Variants in ZNF236 observed in about 807,000 individuals in gnomAD.
ZNF236 encodes the protein regulated by glucose.
Under a neutral mutation model 191.2 loss-of-function variants are expected in ZNF236, and 50 were observed. The ratio of observed to expected loss-of-function variants is 0.26; its 90% CI spans 0.21 to 0.33. The LOEUF is 0.33. Among genes scored for constraint, ZNF236 ranks in the 10% least tolerant of loss-of-function variants. The probability of loss-of-function intolerance (pLI) is 1.00; values close to 1 mark genes in which losing one functional copy is unlikely to be tolerated. For missense variants in ZNF236, 1,754 were observed against 2,374.5 expected (o/e 0.74, Z 5.43); for synonymous variants, 907 against 928.8 (o/e 0.98, Z 0.43).
At chr18:76,851,644 G>A in intron 2 of ZNF236, 131 bp from the exon 3 acceptor site, 1 of 950,048 alleles carries the variant, frequency 1.1e-6, no homozygotes, top group South Asian at 2.3e-5. Flanking sequence ...TGACTTAAGA[G>A]CCAGAGGAGA....
Position 76,970,218 on chromosome 18 carries a change from GTTAT to G in ZNF236, c.*1886_*1889del, listed in dbSNP as rs1280785370. ...AATTTTAAACTTTTGTTCTTGCTGG[GTTAT>G]TTATTTTGATTTTAGCATTAAATGT... On this transcript the variant is annotated 3_prime_UTR_variant, in exon 31 of 31. Coordinates refer to ENST00000320610, the MANE Select transcript of ZNF236 (RefSeq NM_001306089.2). 2.0e-5 allele frequency: 3 copies of G among 152,548 alleles called. No homozygotes were observed. The highest frequency in any genetic ancestry group is 2.9e-5 in the Non-Finnish European group (2 of 68,014). 9.4% of individuals were successfully genotyped at this position (152,548 alleles called of 1,614,324 possible).
chr18:76,926,066 A>T (rs1359392557), intron 22 of ZNF236, among the ~76,000 whole-genome samples: 1 of 152,184 alleles, frequency 6.6e-6, no homozygotes, highest in East Asian at 1.9e-4. Context: ...GCAGGATTGC[A>T]GCCTGACCAC....
chr18:76,905,542 C>CA, intron 13 of ZNF236, 127 bp downstream of exon 13: 2 of 817,802 alleles, frequency 2.4e-6, no homozygotes, highest in Non-Finnish European at 3.6e-6. Flanking sequence ...TATATGGGCT[C>CA]AAGAAAAAAA....
rs76584806 is a variant in ZNF236, at chr18:76,855,839, C to T, written c.363+3900C>T. Reference sequence around the variant, plus strand: ...GTGCCCAGCACAGCCTCCATTGCTACGAGTGACCTGGCCCAGAACATCAGT... The same window carrying T: ...GTGCCCAGCACAGCCTCCATTGCTATGAGTGACCTGGCCCAGAACATCAGT... On this transcript the variant is annotated intron_variant, in intron 3 of 30. Transcript: ENST00000320610. 5.7e-3 allele frequency among the ~76,000 whole-genome samples: 864 copies of T among 152,214 alleles called. 9 individuals are homozygous for T. Among genetic ancestry groups the T allele is most frequent in the African/African-American group, 0.02 (826 of 41,530 alleles).
At chr18:76,840,086 A>G (rs1304904274) in intron 1 of ZNF236, among the ~76,000 whole-genome samples, 1 of 152,126 alleles carries the variant, frequency 6.6e-6, no homozygotes, top group Non-Finnish European at 1.5e-5. Context: ...AATTTGGGTA[A>G]TGTGTGTGTA....
Position 76,863,625 on chromosome 18 carries a change from G to A in ZNF236, c.364-5060G>A, listed in dbSNP as rs571593917. ...TTTTTTAAATTAGAGACGGAGTCTT[G>A]CTGTGTTGCCCAGGCTGGTCTCGAA... On this transcript the variant is annotated intron_variant, in intron 3 of 30. Coordinates refer to ENST00000320610, the MANE Select transcript of ZNF236 (RefSeq NM_001306089.2). Among the ~76,000 whole-genome samples, 33 of 150,838 alleles carry A rather than the reference G, an allele frequency of 2.2e-4. No individual in the cohort carries two copies. The South Asian group carries it at 3.6e-3, about 16-fold the overall frequency.
At chr18:76,881,191 A>C in intron 8 of ZNF236, 93 bp from the exon 9 acceptor site, 134 of 986,442 alleles carry the variant, frequency 1.4e-4, no homozygotes, top group Middle Eastern at 2.2e-4. Context: ...TTGGAGTGGA[A>C]TTAGAATTCT....
rs138150258 is a variant in ZNF236 at position 76,874,440 on chromosome 18, G to A, written c.668-1052G>A. Among the ~76,000 whole-genome samples the A allele has an allele frequency of 3.1e-3, 478 of 152,108 alleles. 2 individuals are homozygous for A. Among genetic ancestry groups the A allele is most frequent in the Non-Finnish European group, 4.9e-3 (335 of 68,018 alleles). ...GCTCATTCCTTCATTCATCAGATCC[G>A]TACTGCATGCTAGTGTGCACAGGGC... On this transcript the variant is annotated intron_variant, in intron 5 of 30. Coordinates refer to ENST00000320610, the MANE Select transcript of ZNF236 (RefSeq NM_001306089.2).
intron 30 of ZNF236, among the ~76,000 whole-genome samples, chr18:76,964,262 C>T (rs1350213331): frequency 6.6e-6 from 1 of 152,134 alleles, no homozygotes; most frequent in Admixed American, 6.6e-5. Context: ...GGTTATGTCA[C>T]TATGGTTGTT....
intron 3 of ZNF236, among the ~76,000 whole-genome samples, chr18:76,866,499 C>T (rs1273218995): frequency 1.3e-5 from 2 of 152,152 alleles, no homozygotes; most frequent in East Asian, 3.9e-4. Context: ...ACGCTGCCAT[C>T]CGAGGGCCGG....
At chr18:76,949,840 G>C (rs1167807790) in intron 27 of ZNF236, among the ~76,000 whole-genome samples, 1 of 151,894 alleles carries the variant, frequency 6.6e-6, no homozygotes, top group Non-Finnish European at 1.5e-5. Context: ...TGTATTTTTA[G>C]TAGAGATGGG....
At chr18:76,833,902 G>C (rs1368238056) in intron 1 of ZNF236, among the ~76,000 whole-genome samples, 2 of 152,000 alleles carry the variant, frequency 1.3e-5, no homozygotes, top group Admixed American at 1.3e-4. Context: ...TGTTGTCCAG[G>C]CTTGTCTTGA....
At chr18:76,911,767 A>G (rs1967223530) in intron 16 of ZNF236, among the ~76,000 whole-genome samples, 1 of 152,214 alleles carries the variant, frequency 6.6e-6, no homozygotes, top group African/African-American at 2.4e-5. Context: ...TTGCTGTGGT[A>G]GCATGGGTTG....
At chr18:76,871,928 A>G in intron 5 of ZNF236, 103 bp downstream of exon 5, 1 of 1,408,436 alleles carries the variant, frequency 7.1e-7, no homozygotes, top group Middle Eastern at 1.9e-4. Flanking sequence ...GCTTTCTCAT[A>G]GTTTGCTGGA....
intron 27 of ZNF236, among the ~76,000 whole-genome samples, chr18:76,955,491 C>T (rs949307937): frequency 5.3e-5 from 8 of 152,016 alleles, no homozygotes; most frequent in African/African-American, 7.3e-5. Context: ...ATTTGAAAAC[C>T]GAATTGGTTG....
At chr18:76,871,669 A>C (rs751889422) in intron 4 of ZNF236, 32 bp from the exon 5 acceptor site, 1 of 1,613,298 alleles carries the variant, frequency 6.2e-7, no homozygotes, top group Non-Finnish European at 8.5e-7. Context: ...GAGACATCTT[A>C]CTGTGTATTT....
intron 9 of ZNF236, 43 bp from the exon 10 acceptor site, chr18:76,894,970 C>T (rs766585773): frequency 6.9e-6 from 11 of 1,594,638 alleles, no homozygotes; most frequent in Middle Eastern, 1.7e-4. Context: ...TGACCCTAGG[C>T]GGGGTGTCCA....
chr18:76,931,304 G>A (rs1332498372), intron 25 of ZNF236: 1 of 152,178 alleles, frequency 6.6e-6, no homozygotes, highest in African/African-American at 2.4e-5. Flanking sequence ...CAGTCAATGA[G>A]GAGTTAAACT....
intron 3 of ZNF236, among the ~76,000 whole-genome samples, chr18:76,860,658 A>G (rs1169003493): frequency 1.3e-5 from 2 of 152,104 alleles, no homozygotes; most frequent in African/African-American, 2.4e-5. Flanking sequence ...GCCTACTCTC[A>G]TCCAAACCCT....
Sources: gnomAD v4.1 joint callset for allele counts (sites outside exome capture counted in the v4.1 genomes callset) on GRCh38, gnomAD v4.1.1 for gene constraint, MANE v1.5 for transcripts, NCBI Gene and HGNC (gene_info 2026-07-23, HGNC 2026-07-21) for gene names.